The following RYR1 variants were observed in gnomAD, a reference collection of about 807,000 sequenced individuals.
The protein encoded by RYR1 is ryanodine receptor 1, also known as central core disease of muscle.
A neutral mutation model predicts 583.5 loss-of-function variants in RYR1; 342 were observed. The ratio of observed to expected loss-of-function variants is 0.59; its 90% CI spans 0.54 to 0.64. The LOEUF is 0.64. Ranked by LOEUF, RYR1 falls within the 30% of genes least tolerant of loss-of-function variation. The probability of loss-of-function intolerance (pLI) is 0.00; values close to 1 mark genes in which losing one functional copy is unlikely to be tolerated. For synonymous variants in RYR1, 2,791 were observed against 2,822.5 expected, an observed-to-expected ratio of 0.99 and a Z score of 0.35; for missense variants, 6,032 against 6,917.2, an observed-to-expected ratio of 0.87 and a Z score of 4.54.
chr19:38,514,933 C>T, intron 63 of RYR1, 93 bp from the exon 64 acceptor site: 2 of 820,556 alleles, frequency 2.4e-6, no homozygotes, highest in Non-Finnish European at 4.1e-6. Context: ...TTGCTCTTCC[C>T]CACTGCATGG....
intron 76 of RYR1, among the ~76,000 whole-genome samples, chr19:38,531,125 C>T (rs1290646932): frequency 2.6e-5 from 4 of 151,934 alleles, no homozygotes; most frequent in African/African-American, 7.3e-5. Context: ...CGAGCCACCG[C>T]GCCCAGCCTT....
chr19:38,475,243 T>G (rs1252871491), intron 28 of RYR1, 75 bp from the exon 29 acceptor site: 1 of 1,542,816 alleles, frequency 6.5e-7, no homozygotes, highest in Non-Finnish European at 8.8e-7. Context: ...AAGCTGGATG[T>G]GGGGGCATGA....
intron 37 of RYR1, 106 bp from the exon 38 acceptor site, chr19:38,492,369 AAAAAAAAAGGAAATG>A: frequency 8.6e-7 from 1 of 1,168,158 alleles, no homozygotes; most frequent in Non-Finnish European, 1.2e-6. Flanking sequence ...TCAAAAAAAA[AAAAAAAAAGGAAATG>A]AAAAACTCCA....
chr19:38,438,259 AG>A lies in RYR1; in HGVS notation c.46-2485del, dbSNP rs144342771. 8.9e-3 allele frequency among the ~76,000 whole-genome samples: 1,353 copies of A among 152,000 alleles called. 32 individuals are homozygous for A. The highest frequency in any genetic ancestry group is 0.029 in the African/African-American group (1,189 of 41,384). ...TCACTGATCTCATCCCCATCCTAAA[AG>A]CCACTCTCTTACATCAGCCTGGGTT... On this transcript the variant is annotated intron_variant, in intron 1 of 105. Transcript: ENST00000359596.
chr19:38,483,346 G>A lies in RYR1; in HGVS notation c.4764G>A (p.Pro1588=), dbSNP rs531243171. The A allele has an allele frequency of 2.0e-4, 311 of 1,561,014 alleles. 6 individuals carry two copies. In the South Asian group the frequency reaches 3.3e-3, roughly 17 times the overall value. The change falls in exon 33 of 106, where the codon CCG becomes CCA. Residue 1588 remains proline (P), a synonymous_variant. Coordinates refer to ENST00000359596, the MANE Select transcript of RYR1 (RefSeq NM_000540.3). The surrounding 1 kb of genome is among the most constrained non-coding windows in gnomAD (Gnocchi z 6.3). ...AAAGCGAGCGCAAGAACCCGGCCCCGCAGTGCCCACCGCGGCTGGAGATGC... is the reference window on the plus strand; with the variant it reads ...AAAGCGAGCGCAAGAACCCGGCCCCACAGTGCCCACCGCGGCTGGAGATGC... ...MFQSERKNPA[P]QCPPRLEMQM... is the part of the protein sequence containing the mutation.
chr19:38,567,126 G>A, intron 92 of RYR1, 139 bp downstream of exon 92: 2 of 1,375,494 alleles, frequency 1.5e-6, no homozygotes, highest in Non-Finnish European at 2.0e-6. Flanking sequence ...CAGGCACGGA[G>A]GAGGGGCTCT....
Position 38,561,042 on chromosome 19 carries a change from A to T in RYR1, c.12283-71A>T. 17 of 444,440 alleles carry T rather than the reference A, an allele frequency of 3.8e-5. No homozygotes were observed. The East Asian group carries it at 1.3e-3, about 33-fold the overall frequency. 27.5% of individuals were successfully genotyped at this position (444,440 alleles called of 1,614,324 possible). On this transcript the variant is annotated intron_variant, in intron 89 of 105. Transcript: ENST00000359596. This position sits in a 1 kb window ranked among gnomAD's most constrained non-coding sequence, Gnocchi z 4.8. ...GGCGACACAGCGAGACCTTGTCTTA[A>T]AAAAAAAAAAAAAAAGAGAGAGAAT...
In RYR1 at chr19:38,512,080, G is replaced by A. The variant is rs775731801; in HGVS notation, c.9181G>A (p.Ala3061Thr). The change falls in exon 62 of 106, where the codon GCC (alanine) becomes ACC (threonine). Residue 3061 changes from alanine to threonine, a missense_variant. Coordinates refer to ENST00000359596, the MANE Select transcript of RYR1 (RefSeq NM_000540.3). This position sits in a 1 kb window ranked among gnomAD's most constrained non-coding sequence, Gnocchi z 5.1. ...CCATCTTCCTCTCCCAGGGACAGACGCCCCAGCTGTGGTCAACTGTCTTCA... is the reference window on the plus strand; with the variant it reads ...CCATCTTCCTCTCCCAGGGACAGACACCCCAGCTGTGGTCAACTGTCTTCA... ...RHRVSLFGTD[A>T]PAVVNCLHIL... The A allele has an allele frequency of 9.9e-6, 16 of 1,614,018 alleles. No homozygotes were observed. The South Asian group carries it at 1.1e-4, about 11-fold the overall frequency.
intron 105 of RYR1, among the ~76,000 whole-genome samples, chr19:38,587,039 C>A (rs562373286): frequency 2.0e-5 from 3 of 152,074 alleles, no homozygotes; most frequent in Admixed American, 6.6e-5. Context: ...GAGGCCACAG[C>A]GGGAGAATTG....
rs539194350 is a variant in RYR1 at position 38,565,290 on chromosome 19, G to A, written c.12956G>A (p.Arg4319Gln). 795 of 1,022,488 alleles carry A rather than the reference G, an allele frequency of 7.8e-4. 3 individuals are homozygous for A. The African/African-American group carries it at 9.2e-3, about 12-fold the overall frequency. 63.3% of individuals were successfully genotyped at this position (1,022,488 alleles called of 1,614,324 possible). ...CGCAGCCTGCGGCGGCGCGTGCGGCGGCTGCGGCGGCTTACGGCCCGCGAG... is the reference window on the plus strand; with the variant it reads ...CGCAGCCTGCGGCGGCGCGTGCGGCAGCTGCGGCGGCTTACGGCCCGCGAG... ...SYRSLRRRVR[R>Q]LRRLTAREAA... Residue 4319 changes from arginine (R) to glutamine (Q), a missense_variant, in exon 91 of 106, where the codon CGG becomes CAG. Arg to Gln is a conservative substitution (Grantham distance 43). Transcript: ENST00000359596. This position sits in a 1 kb window ranked among gnomAD's most constrained non-coding sequence, Gnocchi z 4.7.
At chr19:38,497,491 T>C (rs1173791458) in intron 42 of RYR1, among the ~76,000 whole-genome samples, 1 of 152,228 alleles carries the variant, frequency 6.6e-6, no homozygotes, top group Non-Finnish European at 1.5e-5. Flanking sequence ...CAGACCCCTG[T>C]TGTCTCATCT....
Position 38,502,687 on chromosome 19 carries a change from C to T in RYR1, c.7795C>T (p.Gln2599Ter). 6.2e-7 allele frequency: 1 copy of T among 1,608,264 alleles called. No homozygotes were observed. Among genetic ancestry groups the T allele is most frequent in the Non-Finnish European group, 8.5e-7 (1 of 1,179,546 alleles). Residue 2599 changes from glutamine to a stop codon, truncating the protein, a stop_gained, in exon 48 of 106, where the codon CAG (glutamine) becomes TAG (stop). Coordinates refer to ENST00000359596, the MANE Select transcript of RYR1 (RefSeq NM_000540.3). LOFTEE classifies it high-confidence loss of function. ...LSRGRSLTKA[Q>*]RDVIEDCLMS... ...TCGGGGTCGTTCGCTCACCAAGGCG[C>T]AGCGTGACGTCATCGAGGACTGCCT...
At chr19:38,469,893 C>T (rs1968327766) in intron 27 of RYR1, among the ~76,000 whole-genome samples, 1 of 150,394 alleles carries the variant, frequency 6.6e-6, no homozygotes, top group Admixed American at 6.6e-5. Flanking sequence ...ATAGGGAGAC[C>T]CCGTCTCTAC....
chr19:38,544,388 C>G (rs538688499), intron 87 of RYR1, among the ~76,000 whole-genome samples: 2 of 152,218 alleles, frequency 1.3e-5, no homozygotes, highest in Non-Finnish European at 2.9e-5. Flanking sequence ...TGCAGCCTTG[C>G]CAATGTCTCA....
In RYR1 at chr19:38,469,231, C is replaced by T. The variant is rs3745850; in HGVS notation, c.3557-74C>T. 3,903 of 1,605,482 alleles carry T rather than the reference C, an allele frequency of 2.4e-3. 69 individuals carry two copies. The East Asian group carries it at 0.034, about 14-fold the overall frequency. ...CCCTTCTGCCTCCAACTCTCCCATC[C>T]CTACCTCCTCCCCTCGGCTCCCTCT... On this transcript the variant is annotated intron_variant, in intron 26 of 105. Coordinates refer to ENST00000359596, the MANE Select transcript of RYR1 (RefSeq NM_000540.3).
chr19:38,480,036 T>G (rs1044190739), intron 31 of RYR1, among the ~76,000 whole-genome samples: 1 of 151,616 alleles, frequency 6.6e-6, no homozygotes, highest in African/African-American at 2.4e-5. Flanking sequence ...TTATGTTAAA[T>G]GGAGAATTAA....
In RYR1 at chr19:38,455,613, C is replaced by T; in HGVS notation, c.1673-20C>T. ...GGATGGGCATGGCCGCTTCACCTCTCATTCTGGGCACCCTGGCAGGCATCC... is the reference window on the plus strand; with the variant it reads ...GGATGGGCATGGCCGCTTCACCTCTTATTCTGGGCACCCTGGCAGGCATCC... On this transcript the variant is annotated intron_variant, in intron 15 of 105. Coordinates refer to ENST00000359596, the MANE Select transcript of RYR1 (RefSeq NM_000540.3). 1 of 1,610,380 alleles carries T rather than the reference C, an allele frequency of 6.2e-7. No homozygotes were observed. Among genetic ancestry groups the T allele is most frequent in the Non-Finnish European group, 8.5e-7 (1 of 1,176,626 alleles).
intron 28 of RYR1, 118 bp from the exon 29 acceptor site, chr19:38,475,200 C>A: frequency 7.2e-7 from 1 of 1,384,564 alleles, no homozygotes; most frequent in African/African-American, 1.4e-5. Context: ...CCTCTAGAGG[C>A]AAGACCTGGG....
chr19:38,448,936 G>A (rs1600657692), intron 11 of RYR1, 123 bp downstream of exon 11: 1 of 973,538 alleles, frequency 1.0e-6, no homozygotes, highest in East Asian at 2.6e-5. Flanking sequence ...AGAGTGAGAT[G>A]GGGTGCAGGA....
Sources: gnomAD v4.1 joint callset for allele counts (sites outside exome capture counted in the v4.1 genomes callset) on GRCh38, gnomAD v4.1.1 for gene constraint, Gnocchi (gnomAD v3.1) non-coding constraint, MANE v1.5 for transcripts, NCBI Gene and HGNC (gene_info 2026-07-23, HGNC 2026-07-21) for gene names.